The following OSBPL10 variants were observed in gnomAD, a reference collection of about 807,000 sequenced individuals.
The protein encoded by OSBPL10 is oxysterol-binding protein-related protein 10.
OSBPL10 carries 49 observed loss-of-function variants against 81.7 expected under a neutral mutation model. The ratio of observed to expected loss-of-function variants is 0.60; its 90% confidence interval spans 0.48 to 0.76. The LOEUF (loss-of-function observed/expected upper bound fraction) is 0.76, where lower values mean the gene tolerates loss of function less well. OSBPL10 is among the 30% of genes least tolerant of loss of function. The pLI, the probability that OSBPL10 is intolerant of heterozygous loss-of-function variation, is 0.00. For synonymous variants in OSBPL10, 419 were observed against 383.6 expected (o/e 1.09, Z -1.08); for missense variants, 923 against 987.8 (o/e 0.93, Z 0.88).
chr3:31,982,071 A>C (rs796446648), upstream of OSBPL10, among the ~76,000 whole-genome samples: 3 of 152,302 alleles, frequency 2.0e-5, no homozygotes, highest in African/African-American at 7.2e-5. Flanking sequence ...CCTGAATGGC[A>C]CGCATAAACC....
intron 2 of OSBPL10, among the ~76,000 whole-genome samples, chr3:32,018,798 A>G (rs1019237000): frequency 1.3e-5 from 2 of 152,208 alleles, no homozygotes; most frequent in South Asian, 4.1e-4. Flanking sequence ...CACCAAAAGA[A>G]AAAAAGGTAG....
At chr3:31,983,670 C>T (rs1019061415), upstream of OSBPL10, among the ~76,000 whole-genome samples, 13 of 152,180 alleles carry the variant, frequency 8.5e-5, no homozygotes, top group Non-Finnish European at 1.8e-4. Flanking sequence ...TCTCTTCACC[C>T]GGTTTGTGTT....
chr3:31,830,360 A>G, intron 3 of OSBPL10, 129 bp from the exon 4 acceptor site: 1 of 938,718 alleles, frequency 1.1e-6, no homozygotes, highest in Non-Finnish European at 1.6e-6. Context: ...GGTATGAAGG[A>G]GGTATAACAA....
chr3:32,019,680 T>A lies in OSBPL10; in HGVS notation n.298+26811A>T, dbSNP rs540690779. 2.2e-3 allele frequency among the ~76,000 whole-genome samples: 341 copies of A among 152,306 alleles called. 1 individual carries two copies. Among genetic ancestry groups the A allele is most frequent in the African/African-American group, 7.6e-3 (315 of 41,572 alleles). ...ATATCTAACTAAAAATGAATTTTTT[T>A]AAAAAAGATTCAACACAATTTTTAA... On this transcript the variant is annotated intron_variant and non_coding_transcript_variant, in intron 2 of 3. Coordinates refer to the OSBPL10 transcript ENST00000479173.
At chr3:31,926,411 C>G (rs1697077998) in intron 1 of OSBPL10, among the ~76,000 whole-genome samples, 1 of 151,476 alleles carries the variant, frequency 6.6e-6, no homozygotes, top group Non-Finnish European at 1.5e-5. Flanking sequence ...AATATACAGG[C>G]TAGTTCTCCC....
intron 4 of OSBPL10, among the ~76,000 whole-genome samples, chr3:31,816,739 C>T (rs1352680786): frequency 6.6e-6 from 1 of 152,092 alleles, no homozygotes; most frequent in Non-Finnish European, 1.5e-5. Flanking sequence ...CGAAGATGAG[C>T]TTTATTGAGT....
At chr3:31,854,797 C>T (rs879455870) in intron 3 of OSBPL10, among the ~76,000 whole-genome samples, 6 of 152,134 alleles carry the variant, frequency 3.9e-5, no homozygotes, top group East Asian at 1.9e-4. Context: ...ATGAATGAAA[C>T]TTTTTCCTAA....
chr3:31,817,288 G>A (rs1156862130), intron 4 of OSBPL10, among the ~76,000 whole-genome samples: 1 of 152,184 alleles, frequency 6.6e-6, no homozygotes, highest in Non-Finnish European at 1.5e-5. Context: ...CTGCCATTCA[G>A]GGCCCCAAGG....
Position 31,747,953 on chromosome 3 carries a change from ACT to A in OSBPL10, c.895_896del (p.Ser299CysfsTer56). 6.2e-7 allele frequency: 1 copy of A among 1,613,912 alleles called. No individual in the cohort carries two copies. Among genetic ancestry groups the A allele is most frequent in the Non-Finnish European group, 8.5e-7 (1 of 1,180,002 alleles). On this transcript the variant is annotated frameshift_variant, in exon 5 of 12. Coordinates refer to ENST00000396556, the MANE Select transcript of OSBPL10 (RefSeq NM_017784.5). LOFTEE classifies it high-confidence loss of function. ...GGCTGGGCTGGCCCGCCTGGTGCAC[ACT>A]CTGCTGTAACAAGTTGAGGCACTCC... is the stretch of plus-strand genomic sequence containing the variant. The part of the protein sequence containing the change: ...LGECLNLLQQ[S>X]VHQAGQPSQK...
At position 31,733,371 on chromosome 3, in the gene OSBPL10, T is replaced by C; in HGVS notation, c.981A>G (p.Thr327=). The C allele has an allele frequency of 6.2e-7, 1 of 1,614,214 alleles. No homozygotes were observed. Among genetic ancestry groups the C allele is most frequent in the Non-Finnish European group, 8.5e-7 (1 of 1,180,032 alleles). ...LGWHGSKSHS[T]EQLKNGTLGS... is the part of the protein sequence containing the mutation. ...CAAGTGTCCCATTTTTCAGCTGCTC[T>C]GTGGAATGTGACTTGGACCCGTGCC... Residue 327 remains threonine, a synonymous_variant, in exon 6 of 12, where the codon ACA becomes ACG. Transcript: ENST00000396556.
At chr3:31,997,734 TC>T (rs927501110) in intron 2 of OSBPL10, among the ~76,000 whole-genome samples, 3 of 152,094 alleles carry the variant, frequency 2.0e-5, no homozygotes, top group Non-Finnish European at 4.4e-5. Flanking sequence ...TAGTGCCTCT[TC>T]CTTGTCATGG....
At chr3:31,956,903 T>C (rs1482856844) in intron 1 of OSBPL10, among the ~76,000 whole-genome samples, 1 of 151,846 alleles carries the variant, frequency 6.6e-6, no homozygotes, top group Non-Finnish European at 1.5e-5. Flanking sequence ...GAGCCTGAGG[T>C]GGGCAGATTG....
intron 3 of OSBPL10, among the ~76,000 whole-genome samples, chr3:31,834,762 C>T (rs1489021078): frequency 6.6e-6 from 1 of 152,156 alleles, no homozygotes; most frequent in Non-Finnish European, 1.5e-5. Flanking sequence ...CTTAGGGCAA[C>T]AAGCACTGGA....
intron 10 of OSBPL10, among the ~76,000 whole-genome samples, chr3:31,667,767 G>T (rs1700232387): frequency 6.6e-6 from 1 of 152,240 alleles, no homozygotes; most frequent in African/African-American, 2.4e-5. Flanking sequence ...GTAAATGAAT[G>T]ATCATGGCTG....
At chr3:31,695,950 A>C (rs1695708892) in intron 7 of OSBPL10, among the ~76,000 whole-genome samples, 1 of 152,238 alleles carries the variant, frequency 6.6e-6, no homozygotes, top group Non-Finnish European at 1.5e-5. Context: ...TTCACACGTC[A>C]GTATGCATAC....
chr3:31,936,801 C>T lies in OSBPL10; in HGVS notation c.281+44098G>A, dbSNP rs565978058. On this transcript the variant is annotated intron_variant, in intron 1 of 11. Coordinates refer to ENST00000396556, the MANE Select transcript of OSBPL10 (RefSeq NM_017784.5). The stretch of plus-strand genomic sequence containing the variant: ...TTAAATTCCCCAAAGGAACCCTATG[C>T]TCTACACTGGGAAAGGCTTATTCAC... Among the ~76,000 whole-genome samples the T allele has an allele frequency of 3.3e-5, 5 of 151,982 alleles. No individual in the cohort carries two copies. The East Asian group carries it at 9.7e-4, about 29-fold the overall frequency.
intron 1 of OSBPL10, among the ~76,000 whole-genome samples, chr3:32,071,317 G>GC (rs1288022315): frequency 6.6e-6 from 1 of 152,098 alleles, no homozygotes; most frequent in Non-Finnish European, 1.5e-5. Flanking sequence ...ACCTGGTTTT[G>GC]CATCCTAACA....
At chr3:32,014,495 A>C (rs558564258) in intron 2 of OSBPL10, among the ~76,000 whole-genome samples, 10 of 152,322 alleles carry the variant, frequency 6.6e-5, no homozygotes, top group African/African-American at 2.2e-4. Flanking sequence ...TATCATACTG[A>C]ATGGGCAAAA....
intron 6 of OSBPL10, among the ~76,000 whole-genome samples, chr3:31,724,683 G>GA (rs1696753645): frequency 6.6e-6 from 1 of 152,120 alleles, no homozygotes. Flanking sequence ...AAACTGCACA[G>GA]AAAAATATAC....
Sources: allele counts gnomAD v4.1 joint callset (sites outside exome capture counted in the v4.1 genomes callset), GRCh38; gene constraint gnomAD v4.1.1; transcripts MANE v1.5; gene names NCBI Gene and HGNC (gene_info 2026-07-23, HGNC 2026-07-21).